Variants in THRB observed in about 807,000 individuals in gnomAD.
THRB encodes the protein nuclear receptor subfamily 1 group A member 2.
In THRB, 12 loss-of-function variants were observed where a neutral mutation model predicts 47.8. That is an observed-to-expected ratio of 0.25 (90% CI 0.16 to 0.41). THRB has a LOEUF of 0.41. Ranked by LOEUF, THRB falls within the 10% of genes least tolerant of loss-of-function variation. The pLI, the probability that THRB is intolerant of heterozygous loss-of-function variation, is 1.00. For missense variants in THRB, 348 were observed against 589.2 expected, an observed-to-expected ratio of 0.59 and a Z score of 4.24; for synonymous variants, 218 against 212.2, an observed-to-expected ratio of 1.03 and a Z score of -0.24.
chr3:24,129,270 A>G (rs1218059214), intron 9 of THRB, among the ~76,000 whole-genome samples: 1 of 152,062 alleles, frequency 6.6e-6, no homozygotes, highest in Non-Finnish European at 1.5e-5. Context: ...GCTGACCCCA[A>G]CCTCTGAGTT....
At chr3:24,443,341 T>C (rs904565742) in intron 1 of THRB, among the ~76,000 whole-genome samples, 1 of 152,100 alleles carries the variant, frequency 6.6e-6, no homozygotes, top group Non-Finnish European at 1.5e-5. Flanking sequence ...TTAAAAGTTA[T>C]AAAAGTATTA....
At chr3:24,366,350 GTCC>G (rs1159635241) in intron 1 of THRB, among the ~76,000 whole-genome samples, 1 of 152,122 alleles carries the variant, frequency 6.6e-6, no homozygotes, top group Non-Finnish European at 1.5e-5. Context: ...CTAGCCAGAA[GTCC>G]TCTTCTACTT....
At chr3:24,258,148 G>A (rs1458474392) in intron 3 of THRB, among the ~76,000 whole-genome samples, 1 of 152,188 alleles carries the variant, frequency 6.6e-6, no homozygotes, top group Non-Finnish European at 1.5e-5. Flanking sequence ...CCAAGAGGCA[G>A]GATTAGGCAC....
chr3:24,188,531 A>G (rs1329196498), intron 5 of THRB, among the ~76,000 whole-genome samples: 1 of 152,142 alleles, frequency 6.6e-6, no homozygotes, highest in Non-Finnish European at 1.5e-5. Context: ...GATGGACTCT[A>G]TGAATGAATA....
At chr3:24,179,164 G>A (rs1169140741) in intron 5 of THRB, among the ~76,000 whole-genome samples, 1 of 152,164 alleles carries the variant, frequency 6.6e-6, no homozygotes, top group African/African-American at 2.4e-5. Flanking sequence ...TTAGAGACAA[G>A]TCCTCTCTCC....
chr3:24,147,877 A>T (rs546508776), intron 6 of THRB, among the ~76,000 whole-genome samples: 3 of 152,298 alleles, frequency 2.0e-5, no homozygotes, highest in African/African-American at 7.2e-5. Context: ...CATGGTAAGT[A>T]CATGTGGGAA....
chr3:24,192,431 G>T (rs565326780), intron 4 of THRB, among the ~76,000 whole-genome samples: 5 of 152,026 alleles, frequency 3.3e-5, no homozygotes, highest in East Asian at 1.9e-4. Context: ...ATTGCATCTC[G>T]CAAAGCTTAA....
chr3:24,150,729 A>C (rs1421150454), intron 6 of THRB, among the ~76,000 whole-genome samples: 1 of 152,204 alleles, frequency 6.6e-6, no homozygotes, highest in African/African-American at 2.4e-5. Context: ...ATTAAGTATT[A>C]AATTGAATTC....
chr3:24,305,232 T>G (rs960631114), intron 2 of THRB, among the ~76,000 whole-genome samples: 2 of 152,178 alleles, frequency 1.3e-5, no homozygotes, highest in African/African-American at 4.8e-5. Context: ...GAAAGGCAGA[T>G]TATCTGTCCT....
At chr3:24,418,172 G>A (rs1461268240) in intron 1 of THRB, among the ~76,000 whole-genome samples, 1 of 150,954 alleles carries the variant, frequency 6.6e-6, no homozygotes, top group Non-Finnish European at 1.5e-5. Context: ...TCTTGTTATA[G>A]CAGTCTGCAA....
At chr3:24,224,887 A>C (rs922338719) in intron 4 of THRB, among the ~76,000 whole-genome samples, 9 of 152,218 alleles carry the variant, frequency 5.9e-5, no homozygotes, top group Non-Finnish European at 1.3e-4. Context: ...TGCTTAGTTA[A>C]CTTAGCAAAA....
intron 4 of THRB, among the ~76,000 whole-genome samples, chr3:24,200,178 A>T (rs2044426215): frequency 6.6e-6 from 1 of 152,212 alleles, no homozygotes; most frequent in Non-Finnish European, 1.5e-5. Context: ...ACAGATGTTT[A>T]CTGCTAGGAT....
At chr3:24,372,177 T>G (rs2064968970) in intron 1 of THRB, among the ~76,000 whole-genome samples, 1 of 152,064 alleles carries the variant, frequency 6.6e-6, no homozygotes, top group South Asian at 2.1e-4. Flanking sequence ...GGTGTATAAT[T>G]CAAATCATTC....
At chr3:24,361,611 C>T (rs915311113) in intron 1 of THRB, among the ~76,000 whole-genome samples, 1 of 151,996 alleles carries the variant, frequency 6.6e-6, no homozygotes, top group Non-Finnish European at 1.5e-5. Flanking sequence ...AGAAAGGAGA[C>T]CCAAGAAGAA....
At position 24,119,352 on chromosome 3, in the gene THRB, T is replaced by C. The variant is rs2148752884; in HGVS notation, c.*3532A>G. The C allele has an allele frequency of 6.6e-6, 1 of 152,374 alleles. No individual in the cohort carries two copies. The highest frequency in any genetic ancestry group is 1.5e-5 in the Non-Finnish European group (1 of 68,040). The allele number at this position is 152,374 out of a possible 1,614,324, so 9.4% of individuals were successfully genotyped here. A position where few individuals can be genotyped will look rare whatever the true frequency, so the allele number is the denominator to read the frequency against. On this transcript the variant is annotated 3_prime_UTR_variant, in exon 11 of 11. Transcript: ENST00000646209. ...TTAAATTCAGTTCATGAAAAAGGTT[T>C]AGCCTTACAAATGCTGGCTACATTT...
chr3:24,494,211 CT>C (rs906836055), intron 1 of THRB: 6 of 152,346 alleles, frequency 3.9e-5, no homozygotes, highest in Admixed American at 3.9e-4. Flanking sequence ...ACCCTCCCCC[CT>C]GGCCTGCCAA....
chr3:24,215,410 C>A (rs116378397), intron 4 of THRB, among the ~76,000 whole-genome samples: 1 of 152,174 alleles, frequency 6.6e-6, no homozygotes, highest in African/African-American at 2.4e-5. Flanking sequence ...GGACACATGA[C>A]GCCAAAGTCT....
rs2031972037 is a variant in THRB at position 24,123,001 on chromosome 3, C to T, written c.1269G>A (p.Met423Ile). 1 of 1,614,044 alleles carries T rather than the reference C, an allele frequency of 6.2e-7. No individual in the cohort carries two copies. The highest frequency in any genetic ancestry group is 8.5e-7 in the Non-Finnish European group (1 of 1,180,042). Residue 423 changes from methionine to isoleucine, a missense_variant, in exon 11 of 11, where the codon ATG (methionine) becomes ATA (isoleucine). Met to Ile is a conservative substitution (Grantham distance 10). Around this residue, in one of 5 missense-constraint regions of THRB, gnomAD observed 36 missense variants for 51.7 expected, o/e 0.70. Coordinates refer to ENST00000646209, the MANE Select transcript of THRB (RefSeq NM_001354712.2). ...HVTHFWPKLL[M>I]KVTDLRMIGA... ...CTATCATCCGCAGATCTGTCACCTT[C>T]ATCAGGAGTTTTGGCCAAAAGTGTG... is the stretch of plus-strand genomic sequence containing the variant.
chr3:24,466,592 G>A (rs1380141863), intron 1 of THRB, among the ~76,000 whole-genome samples: 1 of 152,136 alleles, frequency 6.6e-6, no homozygotes, highest in Non-Finnish European at 1.5e-5. Flanking sequence ...GATACTGCAG[G>A]TATGAATTTA....
Sources: allele counts gnomAD v4.1 joint callset (sites outside exome capture counted in the v4.1 genomes callset), GRCh38; gene constraint gnomAD v4.1.1; regional missense constraint gnomAD v4.1.1; transcripts MANE v1.5; gene names NCBI Gene and HGNC (gene_info 2026-07-23, HGNC 2026-07-21).